The following PGAP6 variants were observed in gnomAD, a reference collection of about 807,000 sequenced individuals.
PGAP6 encodes post-GPI attachment to proteins 6, also known as post-GPI attachment to proteins factor 6.
PGAP6 carries 62 observed loss-of-function variants against 68.4 expected under a neutral mutation model. The observed-to-expected ratio is 0.91, with a 90% CI of 0.74 to 1.12. The LOEUF (loss-of-function observed/expected upper bound fraction) is 1.12, where lower values mean the gene tolerates loss of function less well. Among genes scored for constraint, PGAP6 ranks in the 50% most tolerant of loss-of-function variants. The probability of loss-of-function intolerance (pLI) is 0.00; values close to 1 mark genes in which losing one functional copy is unlikely to be tolerated. For synonymous variants in PGAP6, 575 were observed against 474.0 expected (o/e 1.21, Z -2.77); for missense variants, 1,188 against 1,068.5 (o/e 1.11, Z -1.56).
Position 381,969 on chromosome 16 carries a change from C to T in PGAP6, c.-148G>A. On this transcript the variant is annotated 5_prime_UTR_variant, in exon 1 of 13. Transcript: ENST00000431232. The stretch of plus-strand genomic sequence containing the variant: ...CCCGGCCGGTCCCCGCCGCCGTCGC[C>T]CCGGGCACTTCCGCCCGCAGGCCCC... 1.0e-6 allele frequency: 1 copy of T among 973,686 alleles called. No individual in the cohort carries two copies. The highest frequency in any genetic ancestry group is 1.2e-6 in the Non-Finnish European group (1 of 819,424). The allele number at this position is 973,686 out of a possible 1,614,324, so 60.3% of individuals were successfully genotyped here. A position where few individuals can be genotyped will look rare whatever the true frequency, so the allele number is the denominator to read the frequency against.
At chr16:385,785 C>T (rs1000827916), upstream of PGAP6, among the ~76,000 whole-genome samples, 25 of 149,278 alleles carry the variant, frequency 1.7e-4, no homozygotes, top group East Asian at 9.9e-4. Flanking sequence ...CCAACACACC[C>T]GGCTAATTTT....
At chr16:382,398 G>T (rs1430730909), upstream of PGAP6, 12 of 377,626 alleles carry the variant, frequency 3.2e-5, no homozygotes, top group Non-Finnish European at 4.7e-5. Context: ...GCCCTGCCCC[G>T]CCCGGCGCGC....
chr16:381,500 G>A (rs2054437667), intron 1 of PGAP6, among the ~76,000 whole-genome samples: 1 of 152,150 alleles, frequency 6.6e-6, no homozygotes, highest in Non-Finnish European at 1.5e-5. Flanking sequence ...GGACCGAGGA[G>A]GAAGCGCGGG....
chr16:377,915 G>A (rs975408702), intron 1 of PGAP6, 67 bp from the exon 2 acceptor site: 5 of 1,410,618 alleles, frequency 3.5e-6, no homozygotes, highest in African/African-American at 1.4e-5. Context: ...GGGAGGACGA[G>A]TCCCCCAGAT....
upstream of PGAP6, among the ~76,000 whole-genome samples, chr16:383,013 G>C (rs2054457125): frequency 6.6e-6 from 1 of 152,202 alleles, no homozygotes; most frequent in Non-Finnish European, 1.5e-5. Context: ...CTACTCCGGA[G>C]GCTGAGGCCA....
upstream of PGAP6, among the ~76,000 whole-genome samples, chr16:382,677 T>C (rs1242873885): frequency 6.7e-6 from 1 of 149,110 alleles, no homozygotes; most frequent in Non-Finnish European, 1.5e-5. Context: ...GGAAGCTTTT[T>C]CCGTCTTAGG....
In PGAP6 at chr16:372,175, T is replaced by C. The variant is rs764742916; in HGVS notation, c.2128A>G (p.Thr710Ala). 1.2e-5 allele frequency: 19 copies of C among 1,612,416 alleles called. No individual in the cohort carries two copies. Among genetic ancestry groups the C allele is most frequent in the Non-Finnish European group, 1.6e-5 (19 of 1,179,848 alleles). The part of the protein sequence containing the change: ...SMASVGIAIY[T>A]SMMTSDNYYY... ...TAGTTGTCGCTAGTCATCATGGAGG[T>C]GTAGATGGCGATGCCCACAGAGGCC... The change falls in exon 13 of 13, where the codon ACC becomes GCC. Residue 710 changes from threonine (T) to alanine (A), a missense_variant. Coordinates refer to ENST00000431232, the MANE Select transcript of PGAP6 (RefSeq NM_021259.3).
Position 372,039 on chromosome 16 carries a change from CAG to C in PGAP6, c.2262_2263del (p.Cys755ProfsTer27). 6.2e-7 allele frequency: 1 copy of C among 1,612,718 alleles called. No individual in the cohort carries two copies. The highest frequency in any genetic ancestry group is 8.5e-7 in the Non-Finnish European group (1 of 1,179,926). ...ATCGTTCTTGCAGATCTGATAGTGGCAGGGGAATTTCTGCGAGCAGGCCCAGG... is the reference window on the plus strand; with the variant it reads ...ATCGTTCTTGCAGATCTGATAGTGGCGGGAATTTCTGCGAGCAGGCCCAGG... On this transcript the variant is annotated frameshift_variant, in exon 13 of 13. Transcript: ENST00000431232. LOFTEE classifies it high-confidence loss of function.
At chr16:386,905 G>A (rs188639754), upstream of PGAP6, 637 of 614,366 alleles carry the variant, frequency 1.0e-3, 3 homozygotes, top group Admixed American at 1.8e-4. Flanking sequence ...ACCTTCCAGC[G>A]GCCCAAGACA....
In PGAP6 at chr16:381,894, TCTGCCGCCTCCGC is replaced by T. The variant is rs2054442944; in HGVS notation, c.-86_-74del. On this transcript the variant is annotated 5_prime_UTR_variant, in exon 1 of 13. The change abolishes the stop of an existing upstream ORF in the 5' untranslated region. Coordinates refer to ENST00000431232, the MANE Select transcript of PGAP6 (RefSeq NM_021259.3). ...GGCCCCCGCCGCCGCCCGGGCAGCCTCTGCCGCCTCCGCCTCTGCCGCCTCCGCCTCTGCCCCC... is the reference window on the plus strand; with the variant it reads ...GGCCCCCGCCGCCGCCCGGGCAGCCTCTCTGCCGCCTCCGCCTCTGCCCCC... 4.8e-5 allele frequency: 9 copies of T among 185,820 alleles called. No homozygotes were observed. The African/African-American group carries it at 1.3e-3, about 26-fold the overall frequency. 11.5% of individuals were successfully genotyped at this position (185,820 alleles called of 1,614,324 possible).
intron 3 of PGAP6, 92 bp downstream of exon 3, chr16:377,286 T>C: frequency 1.3e-6 from 2 of 1,570,714 alleles, no homozygotes; most frequent in South Asian, 2.3e-5. Context: ...GCGTGGAGCC[T>C]AGAGCGAGGA....
rs757010920 is a variant in PGAP6, at chr16:377,578, G to A, written c.307C>T (p.Arg103Cys). 18 of 1,575,300 alleles carry A rather than the reference G, an allele frequency of 1.1e-5. No individual in the cohort carries two copies. Among genetic ancestry groups the A allele is most frequent in the South Asian group, 6.9e-5 (6 of 86,632 alleles). Residue 103 changes from arginine to cysteine, a missense_variant, in exon 3 of 13, where the codon CGT becomes TGT. Coordinates refer to ENST00000431232, the MANE Select transcript of PGAP6 (RefSeq NM_021259.3). The part of the protein sequence containing the change: ...CTDAEITVHF[R>C]SGAPPVINPL... ...TTGATGACCGGAGGGGCGCCGGAACGGAAGTGCCTGGAGACGGGAGAGCAG... is the reference window on the plus strand; with the variant it reads ...TTGATGACCGGAGGGGCGCCGGAACAGAAGTGCCTGGAGACGGGAGAGCAG...
Position 374,278 on chromosome 16 carries a change from C to T in PGAP6, c.1698G>A (p.Val566=). 2.5e-6 allele frequency: 4 copies of T among 1,607,478 alleles called. No homozygotes were observed. The highest frequency in any genetic ancestry group is 3.4e-6 in the Non-Finnish European group (4 of 1,179,642). Residue 566 remains valine (V), a synonymous_variant, in exon 10 of 13, where the codon GTG becomes GTA. Coordinates refer to ENST00000431232, the MANE Select transcript of PGAP6 (RefSeq NM_021259.3). ...LMFLAPIAVS[V]RRFFLVEASV... is the part of the protein sequence containing the mutation. ...AGGCCTCCACCAGGAAGAATCGCCG[C>T]ACTGAGACGGCGATGGGGGCCAGGA...
chr16:375,298 G>A (rs11648905), intron 7 of PGAP6, 42 bp from the exon 8 acceptor site: 16 of 1,612,184 alleles, frequency 9.9e-6, no homozygotes, highest in East Asian at 2.2e-5. Flanking sequence ...AGGCCGGGGC[G>A]GGGGGCTGGC....
Position 374,774 on chromosome 16 carries a change from T to C in PGAP6, c.1558A>G (p.Ser520Gly). ...LLRRHSYLYA[S>G]CSCKAGWRGW... is the part of the protein sequence containing the mutation. Reference sequence around the variant, plus strand: ...CACTCACCTGCCTTGCAGCTGCAGCTGGCATACAGGTAGCTGTGTCTGCGG... The same window carrying C: ...CACTCACCTGCCTTGCAGCTGCAGCCGGCATACAGGTAGCTGTGTCTGCGG... Residue 520 changes from serine (S) to glycine (G), a missense_variant, in exon 9 of 13, where the codon AGC becomes GGC. Coordinates refer to ENST00000431232, the MANE Select transcript of PGAP6 (RefSeq NM_021259.3). 1.2e-6 allele frequency: 2 copies of C among 1,612,678 alleles called. No individual in the cohort carries two copies. Among genetic ancestry groups the C allele is most frequent in the African/African-American group, 1.3e-5 (1 of 75,034 alleles).
At position 376,981 on chromosome 16, in the gene PGAP6, G is replaced by A. The variant is rs183525708; in HGVS notation, c.635+56C>T. On this transcript the variant is annotated intron_variant, in intron 4 of 12. Coordinates refer to ENST00000431232, the MANE Select transcript of PGAP6 (RefSeq NM_021259.3). ...GCCAGGCTCTCGCACCCACTCCACC[G>A]AATCTGAGAAGGGGCCGGAGGGCAG... The A allele has an allele frequency of 7.7e-5, 123 of 1,603,908 alleles. 1 individual carries two copies. Among genetic ancestry groups the A allele is most frequent in the African/African-American group, 3.5e-4 (26 of 74,746 alleles).
chr16:381,798 G>A lies in PGAP6; in HGVS notation c.24C>T (p.Thr8=), dbSNP rs1176001164. The A allele has an allele frequency of 9.4e-5, 108 of 1,150,512 alleles. No homozygotes were observed. Among genetic ancestry groups the A allele is most frequent in the Non-Finnish European group, 1.1e-4 (104 of 936,064 alleles). 71.3% of individuals were successfully genotyped at this position (1,150,512 alleles called of 1,614,324 possible). A position where few individuals can be genotyped will look rare whatever the true frequency, so the allele number is the denominator to read the frequency against. Reference sequence around the variant, plus strand: ...CCACCGCGGCCACCGCCTCGCCCCCGGTCCCGGTGCCAGCCCGGCCCATGG... The same window carrying A: ...CCACCGCGGCCACCGCCTCGCCCCCAGTCCCGGTGCCAGCCCGGCCCATGG... MGRAGTG[T]GGEAVAAVVA... The change falls in exon 1 of 13, where the codon ACC becomes ACT. Residue 8 remains threonine, a synonymous_variant. Transcript: ENST00000431232.
At chr16:378,403 C>CTGACT (rs1433174799) in intron 1 of PGAP6, among the ~76,000 whole-genome samples, 1 of 120,360 alleles carries the variant, frequency 8.3e-6, no homozygotes, top group Non-Finnish European at 1.8e-5. Flanking sequence ...CATCGCCACC[C>CTGACT]GCACTGCCAT....
At chr16:386,729 A>C (rs773285394), upstream of PGAP6, 12 of 292,198 alleles carry the variant, frequency 4.1e-5, no homozygotes, top group African/African-American at 3.3e-4. Flanking sequence ...AAAAAACCAA[A>C]AAAAAAAAAA....
Sources: gnomAD v4.1 joint callset for allele counts (sites outside exome capture counted in the v4.1 genomes callset) on GRCh38, gnomAD v4.1.1 for gene constraint, MANE v1.5 for transcripts, NCBI Gene and HGNC (gene_info 2026-07-23, HGNC 2026-07-21) for gene names.